FSTL4: variants seen among roughly 807,000 people sequenced by gnomAD.
FSTL4 encodes follistatin like 4.
A neutral mutation model predicts 78.2 loss-of-function variants in FSTL4; 28 were observed. The ratio of observed to expected loss-of-function variants is 0.36; its 90% CI spans 0.27 to 0.49. The LOEUF (loss-of-function observed/expected upper bound fraction) is 0.49, where lower values mean the gene tolerates loss of function less well. FSTL4 is among the 20% of genes least tolerant of loss of function. The pLI is 0.98. For synonymous variants in FSTL4, 422 were observed against 440.5 expected (o/e 0.96, Z 0.53); for missense variants, 922 against 1,084.9 (o/e 0.85, Z 2.11).
At chr5:133,655,215 C>T in the FSTL4 span, among the ~76,000 whole-genome samples, 4 of 152,208 alleles carry the variant, frequency 2.6e-5, no homozygotes, top group African/African-American at 9.6e-5. Context: ...CCTTTCTCTT[C>T]TTCCCCATAA....
At chr5:133,689,161 G>T in the FSTL4 span, among the ~76,000 whole-genome samples, 4,078 of 152,150 alleles carry the variant, frequency 0.027, 185 homozygotes, top group African/African-American at 0.094. Context: ...ACAGTGGCCC[G>T]GTTGGCCAGC....
rs192486638 is a variant in FSTL4 at position 133,306,008 on chromosome 5, G to A, written c.727+6646C>T. ...GCCTTCCCACGGTGGTCTTCCTTCC[G>A]CATTTGTCCTCACCTGCAGTGGGGA... On this transcript the variant is annotated intron_variant, in intron 6 of 15. Transcript: ENST00000265342. Among the ~76,000 whole-genome samples the A allele has an allele frequency of 7.4e-4, 112 of 152,316 alleles. 1 individual carries two copies. In the East Asian group the frequency reaches 0.015, roughly 21 times the overall value.
the FSTL4 span, among the ~76,000 whole-genome samples, chr5:133,829,221 T>C: frequency 1.3e-5 from 2 of 151,978 alleles, no homozygotes; most frequent in African/African-American, 4.8e-5. Flanking sequence ...GAAACCCTGT[T>C]TCTACTAAAA....
chr5:133,352,846 A>C (rs1003311042), intron 4 of FSTL4, among the ~76,000 whole-genome samples: 1 of 152,196 alleles, frequency 6.6e-6, no homozygotes, highest in African/African-American at 2.4e-5. Flanking sequence ...AAAAAATCCA[A>C]TTCACTGTTA....
At chr5:133,479,717 T>G (rs1351419288) in intron 3 of FSTL4, among the ~76,000 whole-genome samples, 1 of 152,188 alleles carries the variant, frequency 6.6e-6, no homozygotes, top group Non-Finnish European at 1.5e-5. Context: ...GGCATCAAGT[T>G]TCTTTTGCAG....
chr5:133,744,462 C>A, the FSTL4 span, among the ~76,000 whole-genome samples: 3 of 152,310 alleles, frequency 2.0e-5, no homozygotes, highest in East Asian at 1.9e-4. Context: ...GTGCTGCAGA[C>A]AAGGCTGTCA....
chr5:133,362,456 C>A (rs1199866553), intron 4 of FSTL4, among the ~76,000 whole-genome samples: 1 of 152,210 alleles, frequency 6.6e-6, no homozygotes, highest in Non-Finnish European at 1.5e-5. Context: ...CAGTGGAACC[C>A]AGTCACTCCT....
chr5:133,453,741 T>C (rs542402850), intron 3 of FSTL4, among the ~76,000 whole-genome samples: 1 of 152,146 alleles, frequency 6.6e-6, no homozygotes, highest in South Asian at 2.1e-4. Flanking sequence ...CAGCACGGAG[T>C]TGGTGTCCAA....
intron 3 of FSTL4, among the ~76,000 whole-genome samples, chr5:133,496,729 G>T (rs868828927): frequency 1.1e-4 from 16 of 152,274 alleles, no homozygotes; most frequent in South Asian, 4.2e-4. Flanking sequence ...GCCCCATTCT[G>T]AGACTGGGGC....
At position 133,414,930 on chromosome 5, in the gene FSTL4, A is replaced by AT. The variant is rs543472733; in HGVS notation, c.161-13945dup. Among the ~76,000 whole-genome samples the AT allele has an allele frequency of 5.9e-5, 9 of 152,354 alleles. No individual in the cohort carries two copies. The East Asian group carries it at 1.7e-3, about 29-fold the overall frequency. ...GAATTTAAACAATAAAGAGAAGCCTATTAATGGGATACAATGGAGGAAAAA... is the reference window on the plus strand; with the variant it reads ...GAATTTAAACAATAAAGAGAAGCCTATTTAATGGGATACAATGGAGGAAAAA... On this transcript the variant is annotated intron_variant, in intron 3 of 15. Coordinates refer to ENST00000265342, the MANE Select transcript of FSTL4 (RefSeq NM_015082.2).
chr5:133,351,115 C>G (rs1754812941), intron 4 of FSTL4, among the ~76,000 whole-genome samples: 1 of 152,134 alleles, frequency 6.6e-6, no homozygotes, highest in South Asian at 2.1e-4. Flanking sequence ...CTCCACTGCC[C>G]CTTTGCTGCA....
chr5:133,558,833 C>A (rs1580788331), intron 3 of FSTL4, among the ~76,000 whole-genome samples: 3 of 152,052 alleles, frequency 2.0e-5, no homozygotes. Context: ...CCTTGGAAGC[C>A]CTCACCACAG....
chr5:133,431,286 C>T lies in FSTL4; in HGVS notation c.161-30300G>A, dbSNP rs114545403. Reference sequence around the variant, plus strand: ...AACACATTCTCTGATGCTCCTTCCTCTGAGACGTAGAGTACAATTTTTCTC... The same window carrying T: ...AACACATTCTCTGATGCTCCTTCCTTTGAGACGTAGAGTACAATTTTTCTC... On this transcript the variant is annotated intron_variant, in intron 3 of 15. Coordinates refer to ENST00000265342, the MANE Select transcript of FSTL4 (RefSeq NM_015082.2). Among the ~76,000 whole-genome samples the T allele has an allele frequency of 3.3e-3, 496 of 152,332 alleles. 2 individuals carry two copies. The highest frequency in any genetic ancestry group is 0.011 in the African/African-American group (463 of 41,562).
intron 3 of FSTL4, among the ~76,000 whole-genome samples, chr5:133,447,436 T>C (rs1320113634): frequency 1.3e-5 from 2 of 152,220 alleles, no homozygotes; most frequent in African/African-American, 4.8e-5. Flanking sequence ...TCAGAAAGAA[T>C]GACCCGCTTC....
intron 3 of FSTL4, among the ~76,000 whole-genome samples, chr5:133,473,897 A>C (rs139540709): frequency 1.3e-5 from 2 of 152,216 alleles, no homozygotes; most frequent in Non-Finnish European, 2.9e-5. Context: ...TCACTATCAT[A>C]AGAACAGCAT....
At chr5:133,287,838 C>T (rs1468462549) in intron 6 of FSTL4, among the ~76,000 whole-genome samples, 1 of 152,228 alleles carries the variant, frequency 6.6e-6, no homozygotes, top group Non-Finnish European at 1.5e-5. Flanking sequence ...CTTCTGGATG[C>T]CATTCAAATG....
At chr5:133,218,899 G>A (rs1214087362) in intron 12 of FSTL4, among the ~76,000 whole-genome samples, 1 of 152,190 alleles carries the variant, frequency 6.6e-6, no homozygotes, top group East Asian at 1.9e-4. Flanking sequence ...TTGAGGGCAG[G>A]TCTTTGGTTC....
chr5:133,450,967 G>C (rs553333389), intron 3 of FSTL4, among the ~76,000 whole-genome samples: 5 of 152,136 alleles, frequency 3.3e-5, no homozygotes, highest in Non-Finnish European at 7.4e-5. Context: ...TGGGGTGAGT[G>C]GAGGGAGACA....
At chr5:133,335,413 G>A (rs769463051) in intron 4 of FSTL4, among the ~76,000 whole-genome samples, 2 of 151,922 alleles carry the variant, frequency 1.3e-5, no homozygotes, top group Non-Finnish European at 2.9e-5. Flanking sequence ...TTCAGCTCAC[G>A]TGACACAAAA....
Sources: allele counts gnomAD v4.1 joint callset (sites outside exome capture counted in the v4.1 genomes callset), GRCh38; gene constraint gnomAD v4.1.1; transcripts MANE v1.5; gene names NCBI Gene and HGNC (gene_info 2026-07-23, HGNC 2026-07-21).